SHOX2: variants seen among roughly 807,000 people sequenced by gnomAD.
SHOX2 encodes the protein short stature homeobox protein 2.
A neutral mutation model predicts 31.3 loss-of-function variants in SHOX2; 13 were observed. The observed-to-expected ratio is 0.42, with a 90% CI of 0.27 to 0.66. The LOEUF is 0.66. SHOX2 is among the 30% of genes least tolerant of loss of function. The probability of loss-of-function intolerance (pLI) is 0.27; values close to 1 mark genes in which losing one functional copy is unlikely to be tolerated. For synonymous variants in SHOX2, 244 were observed against 196.2 expected, an observed-to-expected ratio of 1.24 and a Z score of -2.04; for missense variants, 473 against 443.0, an observed-to-expected ratio of 1.07 and a Z score of -0.61.
chr3:158,099,851 T>G lies in SHOX2; in HGVS notation c.702+9A>C, dbSNP rs1169445210. On this transcript the variant is annotated intron_variant, in intron 4 of 4. Transcript: ENST00000483851. ...ATTTAAAAACAGCTTGAAACTAGGC[T>G]GTACTTGCCTGCTGAAATGGCATCC... is the stretch of plus-strand genomic sequence containing the variant. 6.2e-7 allele frequency: 1 copy of G among 1,606,534 alleles called. No homozygotes were observed. Among genetic ancestry groups the G allele is most frequent in the Non-Finnish European group, 8.5e-7 (1 of 1,173,282 alleles).
intron 4 of SHOX2, 133 bp downstream of exon 4, chr3:158,099,727 T>G (rs921370289): frequency 1.4e-6 from 1 of 706,742 alleles, no homozygotes; most frequent in African/African-American, 1.8e-5. Context: ...GGGTCCACTA[T>G]ATCATCTCAA....
Position 158,106,102 on chromosome 3 carries a change from C to T in SHOX2, c.-78G>A. 1.3e-6 allele frequency: 2 copies of T among 1,585,960 alleles called. No homozygotes were observed. Among genetic ancestry groups the T allele is most frequent in the Non-Finnish European group, 1.7e-6 (2 of 1,166,454 alleles). On this transcript the variant is annotated 5_prime_UTR_variant, in exon 1 of 5. Coordinates refer to ENST00000483851, the MANE Select transcript of SHOX2 (RefSeq NM_001163678.2). ...TTTTTTCCTTCTTCTTTTTTTACTG[C>T]TCCAGCCCCCCCAATAATAACACAT...
chr3:158,104,302 C>T (rs1217796896), intron 1 of SHOX2, among the ~76,000 whole-genome samples: 1 of 152,242 alleles, frequency 6.6e-6, no homozygotes, highest in Non-Finnish European at 1.5e-5. Flanking sequence ...GCACTGGGCA[C>T]CTTGACGGTA....
In SHOX2 at chr3:158,102,880, G is replaced by T. The variant is rs763913879; in HGVS notation, c.353C>A (p.Pro118Gln). 6.2e-7 allele frequency: 1 copy of T among 1,613,650 alleles called. No homozygotes were observed. The highest frequency in any genetic ancestry group is 8.5e-7 in the Non-Finnish European group (1 of 1,179,910). The change falls in exon 2 of 5, where the codon CCG becomes CAG. Residue 118 changes from proline (P) to glutamine (Q), a missense_variant. By Grantham distance (76) the Pro-to-Gln change is moderately conservative (BLOSUM62 -1). Around this residue, in one of 3 missense-constraint regions of SHOX2, gnomAD observed 276 missense variants for 230.0 expected, o/e 1.20. Transcript: ENST00000483851. ...ATCCTCTTTGCGATCTTTCAGCTCC[G>T]GGGACACTGGAGGGGGCACCCCAGC... is the stretch of plus-strand genomic sequence containing the variant. ...PGSPRLTEVS[P>Q]ELKDRKEDAK...
rs1032110657 is a variant in SHOX2 at position 158,105,333 on chromosome 3, G to A, written c.346+346C>T. On this transcript the variant is annotated intron_variant, in intron 1 of 4. Coordinates refer to ENST00000483851, the MANE Select transcript of SHOX2 (RefSeq NM_001163678.2). ...GGTTCAGCACCCCCTCCTGCAGCCCGGCCCCGCGAACTTCCACGTCCGCCT... is the reference window on the plus strand; with the variant it reads ...GGTTCAGCACCCCCTCCTGCAGCCCAGCCCCGCGAACTTCCACGTCCGCCT... 2.6e-5 allele frequency: 15 copies of A among 588,144 alleles called. No homozygotes were observed. In the East Asian group the frequency reaches 4.0e-4, roughly 16 times the overall value. 36.4% of individuals were successfully genotyped at this position (588,144 alleles called of 1,614,324 possible).
chr3:158,106,292 G>T lies in SHOX2; in HGVS notation c.-268C>A. ...AGAAGGGTGAAGAGGAGAGGGAGGA[G>T]GAGGAGGAGAAGAGAAGGGGCGGGG... On this transcript the variant is annotated 5_prime_UTR_variant, in exon 1 of 5. Coordinates refer to ENST00000483851, the MANE Select transcript of SHOX2 (RefSeq NM_001163678.2). The T allele has an allele frequency of 2.1e-6, 1 of 487,222 alleles. No homozygotes were observed. The highest frequency in any genetic ancestry group is 2.4e-5 in the South Asian group (1 of 42,190). 30.2% of individuals were successfully genotyped at this position (487,222 alleles called of 1,614,324 possible).
chr3:158,102,915 C>T, intron 1 of SHOX2, 29 bp from the exon 2 acceptor site: 1 of 1,589,028 alleles, frequency 6.3e-7, no homozygotes. Flanking sequence ...CGGGGCCACA[C>T]GTGCATCCAC....
At position 158,105,803 on chromosome 3, in the gene SHOX2, G is replaced by T; in HGVS notation, c.222C>A (p.Gly74=). 6.9e-7 allele frequency: 1 copy of T among 1,438,968 alleles called. No homozygotes were observed. Among genetic ancestry groups the T allele is most frequent in the Non-Finnish European group, 9.2e-7 (1 of 1,083,180 alleles). 89.1% of individuals were successfully genotyped at this position (1,438,968 alleles called of 1,614,324 possible). The change falls in exon 1 of 5, where the codon GGC becomes GGA. Residue 74 remains glycine, a synonymous_variant. Transcript: ENST00000483851. ...CTCCTCCTCCTCCTACACCTCCTCC[G>T]CCTCCTCCGCCGCCGCCTCCGCCTC... ...GGGGGGGGGG[G]GGGVGGGGAG...
In SHOX2 at chr3:158,097,041, G is replaced by T. The variant is rs1333974353; in HGVS notation, c.*986C>A. ...ATGGAGTGAGTGCATGGGAGATAAG[G>T]GGGTGGGAGGAGACACACCATCAAT... On this transcript the variant is annotated 3_prime_UTR_variant, in exon 5 of 5. Coordinates refer to ENST00000483851, the MANE Select transcript of SHOX2 (RefSeq NM_001163678.2). The T allele has an allele frequency of 1.3e-5, 2 of 150,372 alleles. No homozygotes were observed. Among genetic ancestry groups the T allele is most frequent in the Non-Finnish European group, 3.0e-5 (2 of 67,594 alleles). The allele number at this position is 150,372 out of a possible 1,614,324, so 9.3% of individuals were successfully genotyped here. A position where few individuals can be genotyped will look rare whatever the true frequency, so the allele number is the denominator to read the frequency against.
Position 158,102,721 on chromosome 3 carries a change from T to G in SHOX2, c.512A>C (p.Glu171Ala), listed in dbSNP as rs1713578313. The change falls in exon 2 of 5, where the codon GAG becomes GCG. Residue 171 changes from glutamate to alanine, a missense_variant. Physicochemically the swap from Glu to Ala is moderately radical, Grantham distance 107. Coordinates refer to ENST00000483851, the MANE Select transcript of SHOX2 (RefSeq NM_001163678.2). The part of the protein sequence containing the change: ...ETHYPDAFMR[E>A]ELSQRLGLSE... The stretch of plus-strand genomic sequence containing the variant: ...CAGGCCCAGTCGCTGGCTCAGTTCC[T>G]CTCGCATGAAGGCGTCGGGATAGTG... 1 of 1,613,998 alleles carries G rather than the reference T, an allele frequency of 6.2e-7. No homozygotes were observed. The highest frequency in any genetic ancestry group is 1.3e-5 in the African/African-American group (1 of 74,906).
At chr3:158,102,183 T>C (rs1414092102) in intron 2 of SHOX2, among the ~76,000 whole-genome samples, 3 of 152,218 alleles carry the variant, frequency 2.0e-5, no homozygotes, top group African/African-American at 7.2e-5. Flanking sequence ...CAGTTACTAA[T>C]TTTCTTTATA....
At chr3:158,104,436 C>A (rs1311297754) in intron 1 of SHOX2, among the ~76,000 whole-genome samples, 1 of 152,240 alleles carries the variant, frequency 6.6e-6, no homozygotes, top group Non-Finnish European at 1.5e-5. Context: ...TTTTCTAGTT[C>A]TCAGAGTTAG....
intron 1 of SHOX2, chr3:158,103,905 A>G (rs1713676330): frequency 6.6e-6 from 1 of 152,254 alleles, no homozygotes; most frequent in Admixed American, 6.5e-5. Flanking sequence ...GTTTGCACAC[A>G]TCCGTTGCCA....
chr3:158,105,072 G>T, intron 1 of SHOX2: 3 of 1,316,922 alleles, frequency 2.3e-6, no homozygotes, highest in South Asian at 1.3e-5. Flanking sequence ...AAACCGAAAC[G>T]CCTCGCCCGG....
chr3:158,101,494 G>A (rs999950931), intron 2 of SHOX2, among the ~76,000 whole-genome samples: 3 of 152,170 alleles, frequency 2.0e-5, no homozygotes, highest in Non-Finnish European at 4.4e-5. Context: ...TGCACAGAGC[G>A]AAGCAGGAGA....
intron 3 of SHOX2, 41 bp downstream of exon 3, chr3:158,100,212 CT>C (rs1713410940): frequency 6.8e-7 from 1 of 1,462,578 alleles, no homozygotes; most frequent in Non-Finnish European, 9.4e-7. Context: ...CTACTTCTCT[CT>C]TTGCTCAGAC....
At chr3:158,105,252 C>A in intron 1 of SHOX2, 1 of 667,746 alleles carries the variant, frequency 1.5e-6, no homozygotes, top group Non-Finnish European at 2.7e-6. Context: ...TCCACCTCTG[C>A]CCCTTCTCCC....
Position 158,100,300 on chromosome 3 carries a change from T to C in SHOX2, c.567A>G (p.Gln189=), listed in dbSNP as rs1313975359. Residue 189 remains glutamine (Q), a synonymous_variant, in exon 3 of 5, where the codon CAA becomes CAG. Transcript: ENST00000483851. ...GTTTTCTACATTTAGCTCTTCGATT[T>C]TGAAACCAAACCTATAGGTTGGAGG... ...LSEARVQVWF[Q]NRRAKCRKQE... 1 of 1,602,124 alleles carries C rather than the reference T, an allele frequency of 6.2e-7. No homozygotes were observed. Among genetic ancestry groups the C allele is most frequent in the Non-Finnish European group, 8.5e-7 (1 of 1,176,862 alleles).
intron 3 of SHOX2, 33 bp downstream of exon 3, chr3:158,100,221 G>T (rs1713411457): frequency 2.7e-6 from 4 of 1,498,768 alleles, no homozygotes; most frequent in South Asian, 2.4e-5. Context: ...TCTTTGCTCA[G>T]ACTATCAAAT....
Sources: gnomAD v4.1 joint callset for allele counts (sites outside exome capture counted in the v4.1 genomes callset) on GRCh38, gnomAD v4.1.1 for gene constraint, gnomAD v4.1.1 regional missense constraint, MANE v1.5 for transcripts, NCBI Gene and HGNC (gene_info 2026-07-23, HGNC 2026-07-21) for gene names.